Variants in P3H2 observed in about 807,000 individuals in gnomAD.
P3H2 encodes prolyl 3-hydroxylase 2.
Under a neutral mutation model 87.0 loss-of-function variants are expected in P3H2, and 80 were observed. The observed-to-expected ratio is 0.92, with a 90% confidence interval of 0.77 to 1.11. The LOEUF is 1.11. Ranked by LOEUF, P3H2 falls within the 50% of genes least tolerant of loss-of-function variation. The probability of loss-of-function intolerance (pLI) is 0.00; values close to 1 mark genes in which losing one functional copy is unlikely to be tolerated. For synonymous variants in P3H2, 367 were observed against 359.3 expected, an observed-to-expected ratio of 1.02 and a Z score of -0.24; for missense variants, 1,001 against 923.9, an observed-to-expected ratio of 1.08 and a Z score of -1.08.
In P3H2 at chr3:190,041,117, T is replaced by G. The variant is rs1357507609; in HGVS notation, c.481-45675A>C. On this transcript the variant is annotated intron_variant, in intron 1 of 14. Coordinates refer to ENST00000319332, the MANE Select transcript of P3H2 (RefSeq NM_018192.4). ...TATATATATATATATACTATATATA[T>G]ATATATAAGCTGGGCATGGTGGTGC... Among the ~76,000 whole-genome samples the G allele has an allele frequency of 2.6e-5, 3 of 115,842 alleles. 1 individual carries two copies. The highest frequency in any genetic ancestry group is 3.3e-4 in the South Asian group (1 of 3,032). The allele number at this position is 115,842 out of a possible 152,430, so 76.0% of individuals were successfully genotyped here.
chr3:190,117,557 A>AG (rs1463317202), intron 1 of P3H2, among the ~76,000 whole-genome samples: 3 of 151,828 alleles, frequency 2.0e-5, no homozygotes, highest in Non-Finnish European at 4.4e-5. Flanking sequence ...GTCACATGGC[A>AG]GGGAGTTCCT....
intron 1 of P3H2, among the ~76,000 whole-genome samples, chr3:190,003,295 A>T (rs967045242): frequency 1.3e-5 from 2 of 152,174 alleles, no homozygotes; most frequent in Non-Finnish European, 2.9e-5. Context: ...AGTGTTAAAC[A>T]CTAATGGTGA....
Position 190,081,626 on chromosome 3 carries a change from C to T in P3H2, c.480+38626G>A, listed in dbSNP as rs115216347. Among the ~76,000 whole-genome samples, 837 of 152,242 alleles carry T rather than the reference C, an allele frequency of 5.5e-3. 8 individuals are homozygous for T. The highest frequency in any genetic ancestry group is 0.019 in the African/African-American group (786 of 41,542). The stretch of plus-strand genomic sequence containing the variant: ...AAAGTGACTAGTGACAAGTGACTAC[C>T]GTTCCAGTCTGGAGGAGAGGCACTA... On this transcript the variant is annotated intron_variant, in intron 1 of 14. Transcript: ENST00000319332.
chr3:190,106,683 A>G (rs558940923), intron 1 of P3H2, among the ~76,000 whole-genome samples: 69 of 152,296 alleles, frequency 4.5e-4, no homozygotes, highest in South Asian at 3.9e-3. Flanking sequence ...TTTTTTGACT[A>G]TATACCTGTT....
At chr3:190,113,535 C>T (rs77345227) in intron 1 of P3H2, among the ~76,000 whole-genome samples, 3,239 of 151,846 alleles carry the variant, frequency 0.021, 113 homozygotes, top group African/African-American at 0.074. Flanking sequence ...TACTTAATTC[C>T]TTAGCAATAC....
At chr3:190,025,501 C>G (rs960518890) in intron 1 of P3H2, among the ~76,000 whole-genome samples, 4 of 151,976 alleles carry the variant, frequency 2.6e-5, no homozygotes, top group South Asian at 2.1e-4. Context: ...CTCATTTTCC[C>G]CAAGTATAAA....
chr3:190,025,392 G>C (rs557843668), intron 1 of P3H2, among the ~76,000 whole-genome samples: 1 of 152,208 alleles, frequency 6.6e-6, no homozygotes, highest in East Asian at 1.9e-4. Flanking sequence ...TGGTGAGTTA[G>C]TCAAGACTGT....
intron 1 of P3H2, among the ~76,000 whole-genome samples, chr3:190,112,550 T>C (rs560097149): frequency 6.7e-6 from 1 of 150,112 alleles, no homozygotes; most frequent in African/African-American, 2.5e-5. Context: ...CATTTTCCCC[T>C]CTGCTCTCTT....
At chr3:189,972,615 T>C (rs1173953352) in intron 11 of P3H2, among the ~76,000 whole-genome samples, 1 of 152,166 alleles carries the variant, frequency 6.6e-6, no homozygotes. Context: ...GAAAAGCATT[T>C]TTTTTTCCCA....
intron 1 of P3H2, among the ~76,000 whole-genome samples, chr3:190,118,276 G>C (rs1478393071): frequency 6.6e-6 from 1 of 152,026 alleles, no homozygotes; most frequent in Non-Finnish European, 1.5e-5. Flanking sequence ...TCTTTCTCCA[G>C]ATATGAGAAA....
rs182863074 is a variant in P3H2 at position 190,074,848 on chromosome 3, C to T, written c.480+45404G>A. Among the ~76,000 whole-genome samples, 1,106 of 152,286 alleles carry T rather than the reference C, an allele frequency of 7.3e-3. 6 individuals carry two copies. The highest frequency in any genetic ancestry group is 0.027 in the Middle Eastern group (8 of 294). On this transcript the variant is annotated intron_variant, in intron 1 of 14. Transcript: ENST00000319332. ...TAAAATTAAGAAAGACCTGAAAGCA[C>T]GAGAGAAGAAAATATACACAGATAA...
chr3:190,006,406 C>G (rs889019571), intron 1 of P3H2, among the ~76,000 whole-genome samples: 1 of 152,318 alleles, frequency 6.6e-6, no homozygotes, highest in African/African-American at 2.4e-5. Context: ...TTAGTCACCA[C>G]TATTTCAAAG....
At chr3:189,989,545 T>C (rs138352269) in intron 3 of P3H2, among the ~76,000 whole-genome samples, 661 of 152,338 alleles carry the variant, frequency 4.3e-3, no homozygotes, top group Non-Finnish European at 7.7e-3. Context: ...TTTTTCTTTC[T>C]TAACATTTTC....
chr3:189,978,163 AAGAC>A (rs1258635494), intron 8 of P3H2, among the ~76,000 whole-genome samples: 1 of 152,212 alleles, frequency 6.6e-6, no homozygotes, highest in African/African-American at 2.4e-5. Context: ...ATAGAAATGA[AAGAC>A]AGATGAGAGA....
At chr3:189,986,678 C>T (rs1411319713) in intron 6 of P3H2, 110 bp downstream of exon 6, 3 of 792,748 alleles carry the variant, frequency 3.8e-6, no homozygotes, top group Admixed American at 1.9e-5. Context: ...AGGAGGGCAT[C>T]GAAATCTTAG....
At chr3:190,092,186 T>C (rs7650592) in intron 1 of P3H2, among the ~76,000 whole-genome samples, 3,436 of 151,172 alleles carry the variant, frequency 0.023, 122 homozygotes, top group African/African-American at 0.077. Flanking sequence ...TGAGCTGAGA[T>C]TGCACCACTG....
chr3:190,091,056 T>C (rs1451805629), intron 1 of P3H2, among the ~76,000 whole-genome samples: 2 of 152,226 alleles, frequency 1.3e-5, no homozygotes, highest in Admixed American at 6.5e-5. Flanking sequence ...TTCAGTCTTA[T>C]TTGGAATATA....
chr3:190,026,049 T>C (rs147130906), intron 1 of P3H2, among the ~76,000 whole-genome samples: 13 of 152,292 alleles, frequency 8.5e-5, no homozygotes, highest in African/African-American at 3.1e-4. Context: ...CTTGAAAACA[T>C]TTTTCTTTCA....
At chr3:190,050,521 T>C (rs1354604666) in intron 1 of P3H2, among the ~76,000 whole-genome samples, 1 of 152,182 alleles carries the variant, frequency 6.6e-6, no homozygotes, top group Non-Finnish European at 1.5e-5. Flanking sequence ...GTTTTGTTTT[T>C]TTCTGGAAGG....
Sources: allele counts gnomAD v4.1 joint callset (sites outside exome capture counted in the v4.1 genomes callset), GRCh38; gene constraint gnomAD v4.1.1; transcripts MANE v1.5; gene names NCBI Gene and HGNC (gene_info 2026-07-23, HGNC 2026-07-21).